Variants in PTPN14 observed in about 807,000 individuals in gnomAD.
The protein encoded by PTPN14 is tyrosine-protein phosphatase non-receptor type 14.
In PTPN14, 53 loss-of-function variants were observed where a neutral mutation model predicts 126.8. The observed-to-expected ratio is 0.42, with a 90% confidence interval of 0.34 to 0.53. The LOEUF is 0.53. Ranked by LOEUF, PTPN14 falls within the 20% of genes least tolerant of loss-of-function variation. The probability of loss-of-function intolerance (pLI) is 0.08; values close to 1 mark genes in which losing one functional copy is unlikely to be tolerated. For missense variants in PTPN14, 1,257 were observed against 1,552.9 expected, an observed-to-expected ratio of 0.81 and a Z score of 3.20; for synonymous variants, 630 against 599.3, an observed-to-expected ratio of 1.05 and a Z score of -0.75.
chr1:214,359,469 G>A (rs541056774), intron 18 of PTPN14, among the ~76,000 whole-genome samples: 31 of 150,108 alleles, frequency 2.1e-4, no homozygotes, highest in African/African-American at 5.6e-4. Flanking sequence ...TGATCCGCCT[G>A]CCTCGGCCTC....
chr1:214,431,381 C>T lies in PTPN14; in HGVS notation c.345-16655G>A, dbSNP rs544496957. Among the ~76,000 whole-genome samples the T allele has an allele frequency of 2.2e-5, 3 of 133,874 alleles. No individual in the cohort carries two copies. The East Asian group carries it at 6.9e-4, about 31-fold the overall frequency. 87.8% of individuals were successfully genotyped at this position (133,874 alleles called of 152,430 possible). ...ATAATGATGATAGTGTTAGGTACTA[C>T]AAAGTGTGCTTTTCTGTTTATTAAC... On this transcript the variant is annotated intron_variant, in intron 3 of 18. Transcript: ENST00000366956.
intron 2 of PTPN14, among the ~76,000 whole-genome samples, chr1:214,452,279 T>G (rs1444414072): frequency 2.0e-5 from 3 of 152,224 alleles, no homozygotes; most frequent in Non-Finnish European, 4.4e-5. Context: ...ACTTTTCCCC[T>G]GATATCTGAA....
At chr1:214,422,644 A>G (rs1357711327) in intron 3 of PTPN14, among the ~76,000 whole-genome samples, 1 of 152,234 alleles carries the variant, frequency 6.6e-6, no homozygotes. Context: ...GTTCCCGGCT[A>G]AGGATTCTGC....
intron 16 of PTPN14, among the ~76,000 whole-genome samples, chr1:214,371,261 T>A (rs543391163): frequency 1.3e-5 from 2 of 152,288 alleles, no homozygotes; most frequent in South Asian, 2.1e-4. Context: ...TTTCCATTTT[T>A]AAAAATTTTC....
At chr1:214,454,613 G>T (rs1489321081) in intron 2 of PTPN14, among the ~76,000 whole-genome samples, 1 of 152,152 alleles carries the variant, frequency 6.6e-6, no homozygotes, top group Non-Finnish European at 1.5e-5. Flanking sequence ...TGGATATGTT[G>T]AGGAGGATGA....
intron 16 of PTPN14, chr1:214,372,416 G>A (rs1001710200): frequency 1.8e-5 from 6 of 339,966 alleles, no homozygotes; most frequent in Non-Finnish European, 3.3e-5. Flanking sequence ...ACTAAAGTCT[G>A]TCATTTTTGG....
chr1:214,446,771 T>C (rs936297864), intron 3 of PTPN14, among the ~76,000 whole-genome samples: 1 of 152,102 alleles, frequency 6.6e-6, no homozygotes, highest in South Asian at 2.1e-4. Context: ...AGTATTAATC[T>C]AGACTCTTTG....
rs766589564 is a variant in PTPN14, at chr1:214,464,800, G to C, written c.4C>G (p.Pro2Ala). M[P>A]FGLKLRRTRR... ...GTCCGGCGGAGCTTCAGACCAAAAGGCATGGCTATGTGGTCCTCGGACGCC... is the reference window on the plus strand; with the variant it reads ...GTCCGGCGGAGCTTCAGACCAAAAGCCATGGCTATGTGGTCCTCGGACGCC... Residue 2 changes from proline to alanine, a missense_variant, in exon 2 of 19, where the codon CCT (proline) becomes GCT (alanine). Pro to Ala is a conservative substitution (Grantham distance 27). Coordinates refer to ENST00000366956, the MANE Select transcript of PTPN14 (RefSeq NM_005401.5). 1 of 1,614,116 alleles carries C rather than the reference G, an allele frequency of 6.2e-7. No homozygotes were observed. Among genetic ancestry groups the C allele is most frequent in the Non-Finnish European group, 8.5e-7 (1 of 1,179,930 alleles).
rs1290823380 is a variant in PTPN14 at position 214,351,211 on chromosome 1, G to A, written c.*6711C>T. ...AATATAAAAATTAGCCGGGTGTGGT[G>A]GTGCACGCCTATAATCCCAGCTACT... is the stretch of plus-strand genomic sequence containing the variant. On this transcript the variant is annotated 3_prime_UTR_variant, in exon 19 of 19. Transcript: ENST00000366956. 6.6e-6 allele frequency: 1 copy of A among 151,142 alleles called. No homozygotes were observed. The highest frequency in any genetic ancestry group is 1.5e-5 in the Non-Finnish European group (1 of 67,910). 9.4% of individuals were successfully genotyped at this position (151,142 alleles called of 1,614,324 possible).
intron 3 of PTPN14, among the ~76,000 whole-genome samples, chr1:214,417,123 AT>A (rs1010141492): frequency 2.0e-5 from 3 of 152,042 alleles, no homozygotes; most frequent in African/African-American, 7.2e-5. Context: ...ACTTTTTAAT[AT>A]TTTTCATATT....
At chr1:214,542,825 C>A (rs1185844118) in intron 1 of PTPN14, among the ~76,000 whole-genome samples, 17 of 152,124 alleles carry the variant, frequency 1.1e-4, no homozygotes, top group Admixed American at 1.1e-3. Context: ...CAGACGCCCA[C>A]GTGGGAATCA....
intron 15 of PTPN14, 137 bp downstream of exon 15, chr1:214,376,081 AG>A: frequency 1.4e-6 from 1 of 739,450 alleles, no homozygotes; most frequent in Non-Finnish European, 2.2e-6. Context: ...AGAAAAGCAC[AG>A]GAGTTCAAAA....
At chr1:214,436,553 T>A (rs1043533721) in intron 3 of PTPN14, among the ~76,000 whole-genome samples, 2 of 152,000 alleles carry the variant, frequency 1.3e-5, no homozygotes, top group Admixed American at 6.5e-5. Flanking sequence ...TCCCAGCACT[T>A]TGGGAGGCTG....
chr1:214,464,479 G>T, intron 2 of PTPN14, 151 bp downstream of exon 2: 1 of 1,060,522 alleles, frequency 9.4e-7, no homozygotes, highest in Admixed American at 2.6e-5. Context: ...GCCGTGCTAA[G>T]AATAACAGGA....
At chr1:214,386,822 G>C (rs1408935350) in intron 12 of PTPN14, 22 bp downstream of exon 12, 2 of 1,553,656 alleles carry the variant, frequency 1.3e-6, no homozygotes, top group Admixed American at 1.7e-5. Flanking sequence ...CTTAAGAAGG[G>C]AGAACGGCAA....
In PTPN14 at chr1:214,348,749, T is replaced by C. The variant is rs1190187394; in HGVS notation, c.*9173A>G. 6.6e-6 allele frequency: 1 copy of C among 152,142 alleles called. No individual in the cohort carries two copies. The highest frequency in any genetic ancestry group is 1.5e-5 in the Non-Finnish European group (1 of 68,020). The allele number at this position is 152,142 out of a possible 1,614,324, so 9.4% of individuals were successfully genotyped here. On this transcript the variant is annotated 3_prime_UTR_variant, in exon 19 of 19. Transcript: ENST00000366956. ...GCATATGGAAATCAATAGATATCTT[T>C]TACAAAAAAAGGTTAGAATAAAGAT...
At chr1:214,410,028 T>G (rs1475689400) in intron 5 of PTPN14, among the ~76,000 whole-genome samples, 1 of 152,192 alleles carries the variant, frequency 6.6e-6, no homozygotes, top group Non-Finnish European at 1.5e-5. Context: ...TAGTTTGAGT[T>G]CCTTATATAT....
chr1:214,466,700 T>C (rs1336113346), intron 1 of PTPN14, among the ~76,000 whole-genome samples: 1 of 152,172 alleles, frequency 6.6e-6, no homozygotes, highest in Non-Finnish European at 1.5e-5. Context: ...GCTCATCTGA[T>C]TGTTTTGTTA....
At chr1:214,380,719 T>G (rs1558076444) in intron 13 of PTPN14, among the ~76,000 whole-genome samples, 2 of 152,328 alleles carry the variant, frequency 1.3e-5, no homozygotes, top group East Asian at 3.9e-4. Context: ...TCACCTCTCA[T>G]GAATTCCCAT....
Sources: gnomAD v4.1 joint callset for allele counts (sites outside exome capture counted in the v4.1 genomes callset) on GRCh38, gnomAD v4.1.1 for gene constraint, MANE v1.5 for transcripts, NCBI Gene and HGNC (gene_info 2026-07-23, HGNC 2026-07-21) for gene names.